Variants in DLG2 observed in about 807,000 individuals in gnomAD.
DLG2 encodes the protein disks large homolog 2.
In DLG2, 45 loss-of-function variants were observed where a neutral mutation model predicts 132.5. The ratio of observed to expected loss-of-function variants is 0.34; its 90% CI spans 0.27 to 0.44. The LOEUF is 0.44. DLG2 is among the 20% of genes least tolerant of loss of function. The pLI is 1.00. For synonymous variants in DLG2, 424 were observed against 419.6 expected, an observed-to-expected ratio of 1.01 and a Z score of -0.13; for missense variants, 1,045 against 1,196.9, an observed-to-expected ratio of 0.87 and a Z score of 1.87.
At chr11:84,596,399 T>C (rs1375843322) in intron 6 of DLG2, among the ~76,000 whole-genome samples, 1 of 147,684 alleles carries the variant, frequency 6.8e-6, no homozygotes, top group South Asian at 2.2e-4. Context: ...TTTTTTTTTT[T>C]AGTAGTAGAG....
Position 84,654,244 on chromosome 11 carries a change from C to G in DLG2, c.358-119513G>C, listed in dbSNP as rs140146494. Among the ~76,000 whole-genome samples the G allele has an allele frequency of 2.6e-5, 4 of 152,284 alleles. No individual in the cohort carries two copies. In the East Asian group the frequency reaches 7.7e-4, roughly 29 times the overall value. ...TTGTGACACTCACCTCATCCCATCT[C>G]TCACTGAATCTTGAAGATTATCAGA... On this transcript the variant is annotated intron_variant, in intron 6 of 27. Transcript: ENST00000376104.
intron 3 of DLG2, among the ~76,000 whole-genome samples, chr11:85,476,432 TTTTAC>T (rs1206181702): frequency 6.6e-6 from 1 of 152,084 alleles, no homozygotes; most frequent in African/African-American, 2.4e-5. Context: ...ATTTATTTTA[TTTTAC>T]AATAATAAAT....
Position 85,051,387 on chromosome 11 carries a change from T to C in DLG2, c.357+60274A>G, listed in dbSNP as rs182883233. 2.1e-3 allele frequency among the ~76,000 whole-genome samples: 313 copies of C among 152,288 alleles called. 2 individuals are homozygous for C. Among genetic ancestry groups the C allele is most frequent in the Non-Finnish European group, 4.0e-3 (273 of 68,028 alleles). ...CAAATTTGCAGAGATATATACTATA[T>C]AAATTCCCTCCCCAAGAAATGAAAT... On this transcript the variant is annotated intron_variant, in intron 6 of 27. Coordinates refer to ENST00000376104, the MANE Select transcript of DLG2 (RefSeq NM_001142699.3).
chr11:83,743,046 C>T (rs1321461596), intron 18 of DLG2, among the ~76,000 whole-genome samples: 1 of 152,166 alleles, frequency 6.6e-6, no homozygotes. Flanking sequence ...CTATCTTTGG[C>T]TGCATTAATA....
chr11:84,806,378 A>G (rs954602461), intron 6 of DLG2, among the ~76,000 whole-genome samples: 1 of 152,230 alleles, frequency 6.6e-6, no homozygotes, highest in Non-Finnish European at 1.5e-5. Context: ...GCAGGCAATG[A>G]TACATTATAG....
At chr11:85,026,427 A>T (rs1214223821) in intron 6 of DLG2, among the ~76,000 whole-genome samples, 2 of 152,212 alleles carry the variant, frequency 1.3e-5, no homozygotes, top group African/African-American at 4.8e-5. Flanking sequence ...TGTTAATACT[A>T]TCTAGTGTTC....
intron 7 of DLG2, among the ~76,000 whole-genome samples, chr11:84,451,577 T>C (rs2099051740): frequency 6.6e-6 from 1 of 151,786 alleles, no homozygotes; most frequent in African/African-American, 2.4e-5. Context: ...ATAAGCAATG[T>C]GATAAAGTAA....
At chr11:85,432,223 C>A (rs2091233536) in intron 3 of DLG2, among the ~76,000 whole-genome samples, 2 of 152,184 alleles carry the variant, frequency 1.3e-5, no homozygotes, top group Non-Finnish European at 2.9e-5. Context: ...GAGAAAGAAT[C>A]AATGAAGAAA....
rs1565713708 is a variant in DLG2 at position 83,936,581 on chromosome 11, CTCTCAGTTA to C, written c.1341-6107_1341-6099del. Among the ~76,000 whole-genome samples, 5 of 152,324 alleles carry C rather than the reference CTCTCAGTTA, an allele frequency of 3.3e-5. No individual in the cohort carries two copies. In the South Asian group the frequency reaches 1.0e-3, roughly 32 times the overall value. On this transcript the variant is annotated intron_variant, in intron 14 of 27. Transcript: ENST00000376104. ...CACTATTTTTTCTATGTAAACATCA[CTCTCAGTTA>C]TATTTTACTGTGTTTATTGAGGAGT... is the stretch of plus-strand genomic sequence containing the variant.
At chr11:84,143,315 A>G (rs2094935440) in intron 9 of DLG2, among the ~76,000 whole-genome samples, 1 of 152,136 alleles carries the variant, frequency 6.6e-6, no homozygotes, top group South Asian at 2.1e-4. Flanking sequence ...CTGGGTTTTG[A>G]ATGATAAGAA....
At chr11:84,603,604 G>A (rs758494579) in intron 6 of DLG2, among the ~76,000 whole-genome samples, 1 of 151,882 alleles carries the variant, frequency 6.6e-6, no homozygotes, top group Non-Finnish European at 1.5e-5. Context: ...TCCTCTTAAT[G>A]GCTTCATTTT....
chr11:85,406,725 G>A (rs1242298302), intron 3 of DLG2, among the ~76,000 whole-genome samples: 1 of 151,570 alleles, frequency 6.6e-6, no homozygotes, highest in Admixed American at 6.6e-5. Context: ...CACTGTTTTG[G>A]GTACCAGAAA....
chr11:83,650,525 C>T (rs1411008404), intron 18 of DLG2, among the ~76,000 whole-genome samples: 4 of 152,042 alleles, frequency 2.6e-5, no homozygotes, highest in East Asian at 3.9e-4. Flanking sequence ...AGACTTCTGG[C>T]CTCCAAAACT....
chr11:84,358,050 A>G (rs1264335369), intron 7 of DLG2, among the ~76,000 whole-genome samples: 1 of 152,038 alleles, frequency 6.6e-6, no homozygotes, highest in African/African-American at 2.4e-5. Context: ...CCATATTTTA[A>G]TTGTGCTTTC....
At chr11:83,743,429 A>ATTTTCTTTTTTTTTTTTTTTTTT (rs374206299) in intron 18 of DLG2, among the ~76,000 whole-genome samples, 2 of 103,836 alleles carry the variant, frequency 1.9e-5, no homozygotes, top group Non-Finnish European at 1.7e-5. Context: ...TGGGCAGGCC[A>ATTTTCTTTTTTTTTTTTTTTTTT]TTTTTTTTTT....
intron 18 of DLG2, among the ~76,000 whole-genome samples, chr11:83,784,935 G>GA (rs1399246238): frequency 1.3e-5 from 2 of 151,982 alleles, no homozygotes; most frequent in East Asian, 1.9e-4. Flanking sequence ...GTTTGAGACT[G>GA]AAAAAAACAG....
At chr11:85,596,667 G>A (rs2079794608) in intron 3 of DLG2, among the ~76,000 whole-genome samples, 2 of 152,134 alleles carry the variant, frequency 1.3e-5, no homozygotes, top group Admixed American at 1.3e-4. Flanking sequence ...GATGGGGTGG[G>A]GGAGTTGGTT....
chr11:83,966,532 A>G (rs1272530264), intron 12 of DLG2, among the ~76,000 whole-genome samples: 4 of 152,014 alleles, frequency 2.6e-5, no homozygotes, highest in Non-Finnish European at 5.9e-5. Flanking sequence ...TCTCTCTAAA[A>G]AGACTTAAAC....
At position 84,287,039 on chromosome 11, in the gene DLG2, T is replaced by C. The variant is rs561501681; in HGVS notation, c.520-35748A>G. On this transcript the variant is annotated intron_variant, in intron 7 of 27. Transcript: ENST00000376104. ...ATGTAAAGTGGGTTTGATAATGATGTTTATGTCATATAATTGTTGTGGGAG... is the reference window on the plus strand; with the variant it reads ...ATGTAAAGTGGGTTTGATAATGATGCTTATGTCATATAATTGTTGTGGGAG... Among the ~76,000 whole-genome samples the C allele has an allele frequency of 7.9e-5, 12 of 152,330 alleles. No homozygotes were observed. The South Asian group carries it at 2.3e-3, about 29-fold the overall frequency.
Sources: gnomAD v4.1 joint callset for allele counts (sites outside exome capture counted in the v4.1 genomes callset) on GRCh38, gnomAD v4.1.1 for gene constraint, MANE v1.5 for transcripts, NCBI Gene and HGNC (gene_info 2026-07-23, HGNC 2026-07-21) for gene names.